Variants in BMPR2 observed in about 807,000 individuals in gnomAD.
BMPR2 encodes the protein bone morphogenetic protein receptor type-2.
Under a neutral mutation model 100.8 loss-of-function variants are expected in BMPR2, and 29 were observed. The ratio of observed to expected loss-of-function variants is 0.29; its 90% CI spans 0.21 to 0.39. BMPR2 has a LOEUF of 0.39. BMPR2 is among the 10% of genes least tolerant of loss of function. The probability of loss-of-function intolerance (pLI) is 1.00; values close to 1 mark genes in which losing one functional copy is unlikely to be tolerated. For synonymous variants in BMPR2, 382 were observed against 442.3 expected (o/e 0.86, Z 1.71); for missense variants, 1,011 against 1,274.5 (o/e 0.79, Z 3.15).
chr2:202,483,200 G>T (rs1175646521), intron 3 of BMPR2, among the ~76,000 whole-genome samples: 1 of 151,590 alleles, frequency 6.6e-6, no homozygotes, highest in Non-Finnish European at 1.5e-5. Context: ...TTTTTAATTG[G>T]GTCATTTGTT....
At chr2:202,471,902 CAA>C (rs993213291) in intron 3 of BMPR2, among the ~76,000 whole-genome samples, 2 of 146,916 alleles carry the variant, frequency 1.4e-5, no homozygotes, top group Non-Finnish European at 3.0e-5. Flanking sequence ...TGTATTGGTT[CAA>C]AAAAAGATTG....
At chr2:202,390,206 A>G (rs1418164383) in intron 1 of BMPR2, among the ~76,000 whole-genome samples, 1 of 152,186 alleles carries the variant, frequency 6.6e-6, no homozygotes, top group Non-Finnish European at 1.5e-5. Flanking sequence ...GGACAGTTCT[A>G]GAAGTAAGAT....
intron 3 of BMPR2, among the ~76,000 whole-genome samples, chr2:202,482,422 G>A (rs1285453233): frequency 1.3e-5 from 2 of 152,132 alleles, no homozygotes; most frequent in African/African-American, 2.4e-5. Context: ...TGCCTAGACT[G>A]GAGTGCAGTG....
chr2:202,384,505 T>A (rs1166534040), intron 1 of BMPR2, among the ~76,000 whole-genome samples: 1 of 151,950 alleles, frequency 6.6e-6, no homozygotes, highest in Non-Finnish European at 1.5e-5. Context: ...GGTTGAGAAA[T>A]TTCAGTTTCT....
intron 10 of BMPR2, among the ~76,000 whole-genome samples, chr2:202,547,842 G>A (rs1263912895): frequency 2.7e-5 from 4 of 150,226 alleles, no homozygotes; most frequent in Non-Finnish European, 4.4e-5. Context: ...CCAGCACTTT[G>A]GGAGGCCGAG....
At chr2:202,393,882 C>CGAGAGAGAGGGA (rs1690602718) in intron 1 of BMPR2, among the ~76,000 whole-genome samples, 1 of 97,870 alleles carries the variant, frequency 1.0e-5, no homozygotes, top group Non-Finnish European at 2.1e-5. Context: ...AATGAGAGAG[C>CGAGAGAGAGGGA]GAGAGAGAGA....
At chr2:202,534,977 C>T (rs1468101539) in intron 9 of BMPR2, among the ~76,000 whole-genome samples, 2 of 108,734 alleles carry the variant, frequency 1.8e-5, no homozygotes, top group Admixed American at 9.6e-5. Flanking sequence ...CCTGGCCGGG[C>T]GGGTGGCTGA....
At chr2:202,426,742 G>A (rs764206488) in intron 1 of BMPR2, among the ~76,000 whole-genome samples, 29 of 151,956 alleles carry the variant, frequency 1.9e-4, no homozygotes, top group Non-Finnish European at 3.7e-4. Flanking sequence ...CTAGCTGGGC[G>A]TGGGTGGCAT....
At chr2:202,442,413 A>G (rs187591625) in intron 1 of BMPR2, among the ~76,000 whole-genome samples, 6 of 150,628 alleles carry the variant, frequency 4.0e-5, no homozygotes, top group Non-Finnish European at 8.8e-5. Context: ...GTTTTAGCGT[A>G]TATCGGTACT....
chr2:202,390,980 CT>C (rs11459505), intron 1 of BMPR2, among the ~76,000 whole-genome samples: 223 of 51,914 alleles, frequency 4.3e-3, no homozygotes, highest in African/African-American at 0.014. Flanking sequence ...AGTAAGTAGT[CT>C]TTTTTTTTTT....
At chr2:202,485,452 G>T (rs1371236605) in intron 3 of BMPR2, among the ~76,000 whole-genome samples, 1 of 150,470 alleles carries the variant, frequency 6.6e-6, no homozygotes, top group African/African-American at 2.4e-5. Flanking sequence ...AATCATTGGT[G>T]TTCCTCGGTT....
chr2:202,443,203 G>A (rs1691781585), intron 1 of BMPR2, among the ~76,000 whole-genome samples: 1 of 150,624 alleles, frequency 6.6e-6, no homozygotes, highest in Non-Finnish European at 1.5e-5. Context: ...AGGTTTATAC[G>A]ATCTAGTCTG....
chr2:202,482,191 G>A (rs532713790), intron 3 of BMPR2, among the ~76,000 whole-genome samples: 11 of 151,998 alleles, frequency 7.2e-5, no homozygotes, highest in Non-Finnish European at 1.2e-4. Flanking sequence ...TCCATTTTAC[G>A]TAAATACTAC....
In BMPR2 at chr2:202,518,759, AT is replaced by A. The variant is rs1234188839; in HGVS notation, c.622-60del. 7.0e-6 allele frequency: 9 copies of A among 1,279,366 alleles called. No homozygotes were observed. In the African/African-American group the frequency reaches 1.3e-4, roughly 19 times the overall value. 79.3% of individuals were successfully genotyped at this position (1,279,366 alleles called of 1,614,324 possible). The stretch of plus-strand genomic sequence containing the variant: ...ATTCTGTTTAAATTTGTACTTTATT[AT>A]TTAGTAAATTTGATTGTTCAATTGT... On this transcript the variant is annotated intron_variant, in intron 5 of 12. Coordinates refer to ENST00000374580, the MANE Select transcript of BMPR2 (RefSeq NM_001204.7).
chr2:202,453,679 G>T (rs1692033384), intron 1 of BMPR2, among the ~76,000 whole-genome samples: 1 of 152,148 alleles, frequency 6.6e-6, no homozygotes. Flanking sequence ...GGCAGAGGGG[G>T]TAAGGACAGG....
chr2:202,409,534 TAGTA>T (rs1399141265), intron 1 of BMPR2, among the ~76,000 whole-genome samples: 1 of 151,950 alleles, frequency 6.6e-6, no homozygotes, highest in Non-Finnish European at 1.5e-5. Flanking sequence ...CTGGGCAAAA[TAGTA>T]AGACTCTGTC....
intron 1 of BMPR2, among the ~76,000 whole-genome samples, chr2:202,403,130 CCTG>C (rs1690801200): frequency 6.6e-6 from 1 of 150,784 alleles, no homozygotes; most frequent in South Asian, 2.1e-4. Flanking sequence ...GCCTGGCTGT[CCTG>C]CTAATTTTTG....
rs146358353 is a variant in BMPR2 at position 202,400,608 on chromosome 2, C to A, written c.76+23058C>A. ...ATGATAATGATAATAGCACACATTG[C>A]TGTTTTTTCATAGTTAATGAGCATA... On this transcript the variant is annotated intron_variant, in intron 1 of 12. Transcript: ENST00000374580. 5.8e-3 allele frequency among the ~76,000 whole-genome samples: 882 copies of A among 152,174 alleles called. 4 individuals are homozygous for A. The highest frequency in any genetic ancestry group is 0.016 in the South Asian group (76 of 4,818).
intron 1 of BMPR2, among the ~76,000 whole-genome samples, chr2:202,391,645 G>C (rs1690551618): frequency 6.6e-6 from 1 of 151,122 alleles, no homozygotes; most frequent in South Asian, 2.1e-4. Flanking sequence ...GGAGTGCAGT[G>C]GTTCAATCTC....
Sources: gnomAD v4.1 joint callset for allele counts (sites outside exome capture counted in the v4.1 genomes callset) on GRCh38, gnomAD v4.1.1 for gene constraint, MANE v1.5 for transcripts, NCBI Gene and HGNC (gene_info 2026-07-23, HGNC 2026-07-21) for gene names.